TWIST2: variants seen among roughly 807,000 people sequenced by gnomAD.
The protein encoded by TWIST2 is twist-related protein 2.
Under a neutral mutation model 11.6 loss-of-function variants are expected in TWIST2, and 1 was observed. That is an observed-to-expected ratio of 0.09 (90% CI 0.03 to 0.41). The LOEUF (loss-of-function observed/expected upper bound fraction) is 0.41. Among genes scored for constraint, TWIST2 ranks in the 10% least tolerant of loss-of-function variants. TWIST2 has a pLI of 0.98. For synonymous variants in TWIST2, 87 were observed against 96.6 expected (o/e 0.90, Z 0.58); for missense variants, 168 against 226.4 (o/e 0.74, Z 1.66).
intron 1 of TWIST2, among the ~76,000 whole-genome samples, chr2:238,858,882 G>A (rs572074490): frequency 5.2e-4 from 79 of 152,294 alleles, no homozygotes; most frequent in Non-Finnish European, 9.6e-4. Flanking sequence ...TCAGTAAAAC[G>A]TAGCCCATTC....
chr2:238,903,446 TGG>T (rs1693303756), intron 1 of TWIST2, among the ~76,000 whole-genome samples: 6 of 135,034 alleles, frequency 4.4e-5, no homozygotes, highest in African/African-American at 8.5e-5. Flanking sequence ...ATGTGGGGTG[TGG>T]GTCTAATGTG....
chr2:238,907,043 C>CG (rs1431793236), intron 1 of TWIST2, among the ~76,000 whole-genome samples: 15 of 152,348 alleles, frequency 9.8e-5, no homozygotes, highest in Non-Finnish European at 1.9e-4. Flanking sequence ...GGTCCCAGGT[C>CG]GCAGGGCCAG....
At chr2:238,892,720 A>G (rs1042851857) in intron 1 of TWIST2, among the ~76,000 whole-genome samples, 7 of 152,110 alleles carry the variant, frequency 4.6e-5, no homozygotes, top group Admixed American at 1.3e-4. Context: ...AAATCAGGGA[A>G]TCTGCCTGCC....
chr2:238,909,407 C>A (rs1199694998), intron 1 of TWIST2, among the ~76,000 whole-genome samples: 12 of 152,142 alleles, frequency 7.9e-5, no homozygotes, highest in African/African-American at 2.4e-4. Context: ...GGAACCCAGC[C>A]CTCTGCTGCC....
In TWIST2 at chr2:238,848,361, A is replaced by T; in HGVS notation, c.146A>T (p.Lys49Met). The T allele has an allele frequency of 6.5e-7, 1 of 1,534,732 alleles. No homozygotes were observed. Among genetic ancestry groups the T allele is most frequent in the Non-Finnish European group, 8.7e-7 (1 of 1,145,970 alleles). ...SSEDGSPTPG[K>M]RGKKGSPSAQ... is the part of the protein sequence containing the mutation. ...GAAGATGGCAGCCCGACCCCGGGCAAGCGCGGCAAGAAGGGCAGCCCCAGC... is the reference window on the plus strand; with the variant it reads ...GAAGATGGCAGCCCGACCCCGGGCATGCGCGGCAAGAAGGGCAGCCCCAGC... Residue 49 changes from lysine (K) to methionine (M), a missense_variant, in exon 1 of 2, where the codon AAG becomes ATG. Physicochemically the swap from Lys to Met is moderately conservative, Grantham distance 95 (BLOSUM62 -1). Coordinates refer to ENST00000612363, the MANE Select transcript of TWIST2 (RefSeq NM_001271893.4).
At chr2:238,905,022 AAAG>A (rs1693324398) in intron 1 of TWIST2, among the ~76,000 whole-genome samples, 3 of 150,932 alleles carry the variant, frequency 2.0e-5, no homozygotes, top group Non-Finnish European at 3.0e-5. Context: ...AGGAAGGAAG[AAAG>A]AAGTAGGTAG....
At position 238,848,239 on chromosome 2, in the gene TWIST2, C is replaced by A. The variant is rs1218362830; in HGVS notation, c.24C>A (p.Pro8=). The stretch of plus-strand genomic sequence containing the variant: ...CCATGGAGGAGGGCTCCAGCTCGCC[C>A]GTGTCCCCCGTGGACAGCCTGGGCA... MEEGSSS[P]VSPVDSLGTS... Residue 8 remains proline (P), a synonymous_variant, in exon 1 of 2, where the codon CCC becomes CCA. Transcript: ENST00000612363. 1 of 1,488,252 alleles carries A rather than the reference C, an allele frequency of 6.7e-7. No homozygotes were observed. Among genetic ancestry groups the A allele is most frequent in the East Asian group, 2.6e-5 (1 of 38,346 alleles). The allele number at this position is 1,488,252 out of a possible 1,614,324, so 92.2% of individuals were successfully genotyped here. A position where few individuals can be genotyped will look rare whatever the true frequency, so the allele number is the denominator to read the frequency against.
chr2:238,851,726 C>T (rs1323836226), intron 1 of TWIST2, among the ~76,000 whole-genome samples: 2 of 152,116 alleles, frequency 1.3e-5, no homozygotes, highest in African/African-American at 2.4e-5. Flanking sequence ...ATCAGTTCTT[C>T]GTGGAGAAGA....
At position 238,867,020 on chromosome 2, in the gene TWIST2, T is replaced by A. The variant is rs528238242; in HGVS notation, c.*35+18287T>A. ...GTGTCTGATGCAAACGCATGTTTTC[T>A]GTGCATCTGTGATTTACAATTCCCT... On this transcript the variant is annotated intron_variant, in intron 1 of 1. Coordinates refer to ENST00000612363, the MANE Select transcript of TWIST2 (RefSeq NM_001271893.4). The surrounding 1 kb of genome is among the most constrained non-coding windows in gnomAD (Gnocchi z 4.8). Among the ~76,000 whole-genome samples, 4 of 152,320 alleles carry A rather than the reference T, an allele frequency of 2.6e-5. 1 individual carries two copies. The East Asian group carries it at 7.7e-4, about 29-fold the overall frequency.
chr2:238,884,034 G>C (rs1021130556), intron 1 of TWIST2, among the ~76,000 whole-genome samples: 3 of 152,170 alleles, frequency 2.0e-5, no homozygotes, highest in African/African-American at 7.2e-5. Flanking sequence ...AATTCCCCTA[G>C]GGTTAATCCG....
At chr2:238,854,525 C>G (rs531414368) in intron 1 of TWIST2, among the ~76,000 whole-genome samples, 88 of 152,332 alleles carry the variant, frequency 5.8e-4, no homozygotes, top group South Asian at 1.9e-3. Flanking sequence ...GCAGCTCCCC[C>G]CAGGAGGGGT....
intron 1 of TWIST2, among the ~76,000 whole-genome samples, chr2:238,856,626 G>C (rs1236122991): frequency 6.6e-6 from 1 of 152,092 alleles, no homozygotes; most frequent in East Asian, 1.9e-4. Flanking sequence ...TCAGGGCTAC[G>C]GAAGGGACTC....
At chr2:238,870,796 ACACC>A (rs1454442637) in intron 1 of TWIST2, among the ~76,000 whole-genome samples, 1 of 34,436 alleles carries the variant, frequency 2.9e-5, no homozygotes, top group Non-Finnish European at 5.3e-5. Flanking sequence ...CACAAACCAC[ACACC>A]CCATGCACAC....
chr2:238,864,892 C>T lies in TWIST2; in HGVS notation c.*35+16159C>T, dbSNP rs1166132148. 6.6e-6 allele frequency among the ~76,000 whole-genome samples: 1 copy of T among 152,218 alleles called. No individual in the cohort carries two copies. Among genetic ancestry groups the T allele is most frequent in the South Asian group, 2.1e-4 (1 of 4,814 alleles). ...TGTGGCCAGGCCAGGCCTGGAGATC[C>T]GCCAGGAGCAGAGAGCTCCGGAAGG... On this transcript the variant is annotated intron_variant, in intron 1 of 1. Transcript: ENST00000612363. This position sits in a 1 kb window ranked among gnomAD's most constrained non-coding sequence, Gnocchi z 4.7.
intron 1 of TWIST2, among the ~76,000 whole-genome samples, chr2:238,855,377 G>A (rs1692312570): frequency 6.6e-6 from 1 of 152,174 alleles, no homozygotes; most frequent in South Asian, 2.1e-4. Context: ...TGTCTTCATT[G>A]AGGATTAATT....
chr2:238,883,777 C>T (rs374976180), intron 1 of TWIST2, among the ~76,000 whole-genome samples: 20 of 152,222 alleles, frequency 1.3e-4, no homozygotes, highest in African/African-American at 4.6e-4. Context: ...GAGAGGGAGG[C>T]GGTTTTCAGG....
At chr2:238,879,501 C>T (rs1692867950) in intron 1 of TWIST2, among the ~76,000 whole-genome samples, 1 of 152,250 alleles carries the variant, frequency 6.6e-6, no homozygotes, top group Non-Finnish European at 1.5e-5. Flanking sequence ...GCCACACTCA[C>T]CACTCCTTAG....
intron 1 of TWIST2, among the ~76,000 whole-genome samples, chr2:238,881,111 T>G (rs1307183416): frequency 1.1e-5 from 1 of 94,356 alleles, no homozygotes; most frequent in African/African-American, 4.2e-5. Flanking sequence ...GGTATTAGTG[T>G]TAGTGTTAGT....
chr2:238,875,861 G>A (rs141386666), intron 1 of TWIST2, among the ~76,000 whole-genome samples: 106 of 152,322 alleles, frequency 7.0e-4, no homozygotes, highest in Non-Finnish European at 1.2e-3. Flanking sequence ...GCTCTGTCCC[G>A]AGTGAAAGTT....
Sources: allele counts gnomAD v4.1 joint callset (sites outside exome capture counted in the v4.1 genomes callset), GRCh38; gene constraint gnomAD v4.1.1; non-coding constraint Gnocchi (gnomAD v3.1); transcripts MANE v1.5; gene names NCBI Gene and HGNC (gene_info 2026-07-23, HGNC 2026-07-21).